Variants in GABBR2 observed in about 807,000 individuals in gnomAD.
GABBR2 encodes the protein gamma-aminobutyric acid type B receptor subunit 2.
GABBR2 carries 23 observed loss-of-function variants against 105.6 expected under a neutral mutation model. That is an observed-to-expected ratio of 0.22 (90% CI 0.16 to 0.31). The LOEUF (loss-of-function observed/expected upper bound fraction) is 0.31, where lower values mean the gene tolerates loss of function less well. GABBR2 is among the 10% of genes least tolerant of loss of function. The probability of loss-of-function intolerance (pLI) is 1.00; values close to 1 mark genes in which losing one functional copy is unlikely to be tolerated. For missense variants in GABBR2, 734 were observed against 1,245.5 expected, an observed-to-expected ratio of 0.59 and a Z score of 6.18; for synonymous variants, 478 against 499.7, an observed-to-expected ratio of 0.96 and a Z score of 0.58.
intron 13 of GABBR2, among the ~76,000 whole-genome samples, chr9:98,336,716 G>C (rs572444624): frequency 1.1e-3 from 162 of 152,056 alleles, no homozygotes; most frequent in African/African-American, 3.8e-3. Flanking sequence ...AAACAAAAAA[G>C]TATCTTCCAG....
chr9:98,639,599 C>CAA (rs113683310), intron 1 of GABBR2, among the ~76,000 whole-genome samples: 31,579 of 141,060 alleles, frequency 0.22, 3,862 homozygotes, highest in East Asian at 0.47. Flanking sequence ...CACGCATAGA[C>CAA]AAAAAAAAAA....
At chr9:98,581,183 G>A (rs909461994) in intron 1 of GABBR2, 1 of 152,486 alleles carries the variant, frequency 6.6e-6, no homozygotes, top group Non-Finnish European at 1.5e-5. Flanking sequence ...GCACTGCAGG[G>A]AAAGCCAGGG....
chr9:98,701,721 C>T (rs954938139), intron 1 of GABBR2, among the ~76,000 whole-genome samples: 6 of 152,118 alleles, frequency 3.9e-5, no homozygotes, highest in East Asian at 1.9e-4. Flanking sequence ...AGGAAAGACA[C>T]GCCGGGAGAC....
chr9:98,394,080 C>G lies in GABBR2; in HGVS notation c.1378+95G>C. ...AGGATGTTCCCTTGACCCCCTGAAG[C>G]CAAGGATGCTGAGCTTGTCCCTAAC... On this transcript the variant is annotated intron_variant, in intron 9 of 18. Coordinates refer to ENST00000259455, the MANE Select transcript of GABBR2 (RefSeq NM_005458.8). 6 of 855,968 alleles carry G rather than the reference C, an allele frequency of 7.0e-6. No individual in the cohort carries two copies. In the South Asian group the frequency reaches 8.8e-5, roughly 13 times the overall value. 53.0% of individuals were successfully genotyped at this position (855,968 alleles called of 1,614,324 possible). A position where few individuals can be genotyped will look rare whatever the true frequency, so the allele number is the denominator to read the frequency against.
chr9:98,606,799 T>G (rs1829429732), intron 1 of GABBR2: 3 of 321,544 alleles, frequency 9.3e-6, no homozygotes, highest in Non-Finnish European at 1.8e-5. Flanking sequence ...TTTTTTATGA[T>G]AACTTTCCTT....
chr9:98,556,611 C>T (rs909386569), intron 2 of GABBR2, among the ~76,000 whole-genome samples: 37 of 152,266 alleles, frequency 2.4e-4, no homozygotes, highest in African/African-American at 7.9e-4. Context: ...GAAGTGAGTG[C>T]CGCTGTGTGC....
intron 13 of GABBR2, among the ~76,000 whole-genome samples, chr9:98,331,808 A>C (rs1266347296): frequency 6.6e-6 from 1 of 152,174 alleles, no homozygotes; most frequent in Non-Finnish European, 1.5e-5. Flanking sequence ...GGGAAGTGGG[A>C]GTGGGAGCAT....
chr9:98,484,832 A>T (rs1470154668), intron 4 of GABBR2, among the ~76,000 whole-genome samples: 1 of 152,170 alleles, frequency 6.6e-6, no homozygotes, highest in South Asian at 2.1e-4. Flanking sequence ...ATGCTTTTCA[A>T]TGTTGCATAG....
chr9:98,495,528 A>T (rs1827260113), intron 4 of GABBR2, among the ~76,000 whole-genome samples: 1 of 152,190 alleles, frequency 6.6e-6, no homozygotes, highest in African/African-American at 2.4e-5. Context: ...TAAGCTTGGC[A>T]TTCAAGGCTC....
intron 1 of GABBR2, among the ~76,000 whole-genome samples, chr9:98,608,430 T>G (rs1360328795): frequency 6.6e-6 from 1 of 152,198 alleles, no homozygotes; most frequent in Admixed American, 6.5e-5. Flanking sequence ...TGTTGTATAA[T>G]CATGTTCTGA....
chr9:98,313,684 A>G (rs1830670058), intron 13 of GABBR2, among the ~76,000 whole-genome samples: 1 of 152,152 alleles, frequency 6.6e-6, no homozygotes, highest in Admixed American at 6.5e-5. Flanking sequence ...ATTCTGATGG[A>G]GTTGTGCTGT....
At position 98,454,189 on chromosome 9, in the gene GABBR2, T is replaced by C. The variant is rs1826284598; in HGVS notation, c.1028A>G (p.Asn343Ser). Residue 343 changes from asparagine to serine, a missense_variant, in exon 7 of 19, where the codon AAC becomes AGC. By Grantham distance (46) the Asn-to-Ser change is conservative. Around this residue, in one of 7 missense-constraint regions of GABBR2, gnomAD observed 370 missense variants for 648.9 expected, o/e 0.57. Transcript: ENST00000259455. This position sits in a 1 kb window ranked among gnomAD's most constrained non-coding sequence, Gnocchi z 4.6. ...GGGCCCCACGCCTGACCGCTTGTTG[T>C]TGTACTCTCTCTCATACTGCTGTGG... is the stretch of plus-strand genomic sequence containing the variant. The part of the protein sequence containing the change: ...KTPQQYEREY[N>S]NKRSGVGPSK... 1.2e-6 allele frequency: 2 copies of C among 1,613,882 alleles called. No homozygotes were observed. The highest frequency in any genetic ancestry group is 1.7e-6 in the Non-Finnish European group (2 of 1,179,718).
intron 16 of GABBR2, among the ~76,000 whole-genome samples, chr9:98,300,511 C>A (rs112819204): frequency 3.2e-4 from 48 of 152,256 alleles, no homozygotes; most frequent in African/African-American, 1.1e-3. Flanking sequence ...GAAGCCTGGG[C>A]AATATGAGTG....
chr9:98,686,219 AGCCAGAAT>A (rs992641922), intron 1 of GABBR2, among the ~76,000 whole-genome samples: 3 of 152,112 alleles, frequency 2.0e-5, no homozygotes, highest in African/African-American at 7.2e-5. Context: ...TAGTTGGTTC[AGCCAGAAT>A]CGTCCCTTAC....
chr9:98,395,935 T>G (rs1045870622), intron 8 of GABBR2, among the ~76,000 whole-genome samples: 18 of 152,108 alleles, frequency 1.2e-4, no homozygotes, highest in Admixed American at 2.0e-4. Context: ...TTATGTACAT[T>G]TTCTTGCCTA....
At chr9:98,357,239 G>A (rs764439515) in intron 13 of GABBR2, among the ~76,000 whole-genome samples, 1 of 152,168 alleles carries the variant, frequency 6.6e-6, no homozygotes, top group Non-Finnish European at 1.5e-5. Flanking sequence ...AGGAAATTGT[G>A]GGGGTGGGTG....
chr9:98,504,500 C>T (rs1383579991), intron 3 of GABBR2, among the ~76,000 whole-genome samples: 1 of 152,222 alleles, frequency 6.6e-6, no homozygotes, highest in South Asian at 2.1e-4. Flanking sequence ...ACCAGGGCTG[C>T]ACCACATGCA....
chr9:98,385,751 T>C lies in GABBR2; in HGVS notation c.1551A>G (p.Pro517=), dbSNP rs1181237592. The change falls in exon 11 of 19, where the codon CCA becomes CCG. Residue 517 remains proline (P), a synonymous_variant. Transcript: ENST00000259455. The stretch of plus-strand genomic sequence containing the variant: ...CAAGGATGATAAGGTTGTTCATGTA[T>C]GGACTCGACATCTTTATGAGCCTGA... ...RNQKLIKMSS[P]YMNNLIILGG... is the part of the protein sequence containing the mutation. The C allele has an allele frequency of 1.9e-6, 3 of 1,610,468 alleles. No individual in the cohort carries two copies. The highest frequency in any genetic ancestry group is 2.5e-6 in the Non-Finnish European group (3 of 1,176,646).
chr9:98,375,583 T>C (rs1564037804), intron 11 of GABBR2, among the ~76,000 whole-genome samples: 2 of 152,108 alleles, frequency 1.3e-5, no homozygotes, highest in Non-Finnish European at 1.5e-5. Context: ...GATGTGCAAG[T>C]TGAGCCTGAG....
Sources: allele counts gnomAD v4.1 joint callset (sites outside exome capture counted in the v4.1 genomes callset), GRCh38; gene constraint gnomAD v4.1.1; regional missense constraint gnomAD v4.1.1; non-coding constraint Gnocchi (gnomAD v3.1); transcripts MANE v1.5; gene names NCBI Gene and HGNC (gene_info 2026-07-23, HGNC 2026-07-21).